The following MEI4 variants were observed in gnomAD, a reference collection of about 807,000 sequenced individuals.
The protein encoded by MEI4 is meiosis-specific protein MEI4.
A neutral mutation model predicts 31.4 loss-of-function variants in MEI4; 27 were observed. The ratio of observed to expected loss-of-function variants is 0.86; its 90% CI spans 0.63 to 1.19. MEI4 has a LOEUF of 1.19. MEI4 is among the 50% of genes most tolerant of loss of function. MEI4 has a pLI of 0.00. For synonymous variants in MEI4, 122 were observed against 145.4 expected (o/e 0.84, Z 1.16); for missense variants, 329 against 398.9 (o/e 0.82, Z 1.49).
chr6:77,692,792 A>C (rs186972445), intron 2 of MEI4, among the ~76,000 whole-genome samples: 1 of 152,040 alleles, frequency 6.6e-6, no homozygotes, highest in Non-Finnish European at 1.5e-5. Flanking sequence ...GTTGAGCCCA[A>C]GTTTCTCTGA....
intron 2 of MEI4, among the ~76,000 whole-genome samples, chr6:77,695,389 G>T (rs1011754679): frequency 6.6e-6 from 1 of 152,094 alleles, no homozygotes; most frequent in Non-Finnish European, 1.5e-5. Context: ...GGGTTTTTAT[G>T]GTATTAGGTC....
intron 2 of MEI4, among the ~76,000 whole-genome samples, chr6:77,736,887 T>G (rs1399494597): frequency 6.6e-6 from 1 of 151,326 alleles, no homozygotes; most frequent in Non-Finnish European, 1.5e-5. Flanking sequence ...GGAAGTTGCT[T>G]GCCTTTAAGG....
At chr6:77,654,286 T>C (rs1185067752) in intron 1 of MEI4, among the ~76,000 whole-genome samples, 2 of 152,304 alleles carry the variant, frequency 1.3e-5, no homozygotes, top group East Asian at 1.9e-4. Flanking sequence ...TTGACTGTTA[T>C]ATCCCTGTGT....
intron 3 of MEI4, among the ~76,000 whole-genome samples, chr6:77,801,113 A>T (rs1472607377): frequency 1.3e-5 from 2 of 152,108 alleles, no homozygotes; most frequent in Non-Finnish European, 2.9e-5. Flanking sequence ...CTGTGAATCC[A>T]TGTGGTCCTG....
chr6:77,759,793 C>T (rs188658757), intron 2 of MEI4, among the ~76,000 whole-genome samples: 1 of 152,142 alleles, frequency 6.6e-6, no homozygotes, highest in East Asian at 1.9e-4. Context: ...TTCAGTTGAT[C>T]GCTCAATGTT....
At chr6:77,710,008 G>C (rs2127659506) in intron 2 of MEI4, among the ~76,000 whole-genome samples, 1 of 152,254 alleles carries the variant, frequency 6.6e-6, no homozygotes, top group Middle Eastern at 3.4e-3. Flanking sequence ...TGTCTGCTAG[G>C]GTGAGAGATA....
intron 3 of MEI4, among the ~76,000 whole-genome samples, chr6:77,789,476 G>A (rs897968116): frequency 6.6e-5 from 10 of 152,048 alleles, no homozygotes; most frequent in East Asian, 1.9e-4. Flanking sequence ...GCAACCTACA[G>A]AATGGGAGAA....
At chr6:77,881,157 C>A (rs1386043921) in intron 4 of MEI4, among the ~76,000 whole-genome samples, 1 of 151,338 alleles carries the variant, frequency 6.6e-6, no homozygotes, top group East Asian at 1.9e-4. Context: ...TTCTGCAGGG[C>A]ACTGATTCTC....
intron 4 of MEI4, among the ~76,000 whole-genome samples, chr6:77,834,697 T>C (rs1226353642): frequency 6.6e-6 from 1 of 152,108 alleles, no homozygotes; most frequent in East Asian, 1.9e-4. Flanking sequence ...TCACATTTAT[T>C]CAGTAAGACT....
At chr6:77,706,512 T>A (rs948033392) in intron 2 of MEI4, among the ~76,000 whole-genome samples, 1 of 152,236 alleles carries the variant, frequency 6.6e-6, no homozygotes, top group African/African-American at 2.4e-5. Context: ...GGCTCCCATA[T>A]CAAGTAAAAT....
At chr6:77,678,053 T>A (rs749963679) in intron 1 of MEI4, among the ~76,000 whole-genome samples, 3 of 152,194 alleles carry the variant, frequency 2.0e-5, no homozygotes, top group Non-Finnish European at 4.4e-5. Flanking sequence ...TTTAATTGAT[T>A]ACCGTGGAGC....
chr6:77,833,713 C>G (rs1425178886), intron 4 of MEI4, among the ~76,000 whole-genome samples: 1 of 152,064 alleles, frequency 6.6e-6, no homozygotes, highest in Non-Finnish European at 1.5e-5. Context: ...TGGTTTGCTG[C>G]ACCCATCAAC....
intron 2 of MEI4, among the ~76,000 whole-genome samples, chr6:77,699,285 G>A (rs573577900): frequency 6.6e-6 from 1 of 150,494 alleles, no homozygotes; most frequent in Admixed American, 6.6e-5. Context: ...GGCCTCCCGG[G>A]TTCACGCCAT....
At chr6:77,788,189 A>G (rs1475176886) in intron 3 of MEI4, among the ~76,000 whole-genome samples, 1 of 152,252 alleles carries the variant, frequency 6.6e-6, no homozygotes, top group African/African-American at 2.4e-5. Flanking sequence ...AAGGCCTTTG[A>G]CAAAATTCAA....
At chr6:77,789,596 A>G (rs1045992238) in intron 3 of MEI4, among the ~76,000 whole-genome samples, 1 of 152,272 alleles carries the variant, frequency 6.6e-6, no homozygotes, top group African/African-American at 2.4e-5. Flanking sequence ...TGGGTGAAGG[A>G]CATGAACAGA....
At chr6:77,688,287 TTTG>T (rs1396547903) in intron 1 of MEI4, among the ~76,000 whole-genome samples, 4 of 152,084 alleles carry the variant, frequency 2.6e-5, no homozygotes, top group Non-Finnish European at 1.5e-5. Flanking sequence ...AAAACCTGGT[TTTG>T]TTTGGTTGTA....
chr6:77,796,504 T>C (rs909756836), intron 3 of MEI4, among the ~76,000 whole-genome samples: 10 of 152,146 alleles, frequency 6.6e-5, no homozygotes, highest in Admixed American at 3.9e-4. Flanking sequence ...AATATATGAA[T>C]TCAGTAAAGT....
At chr6:77,883,737 T>TACATATAC (rs1562025156) in intron 4 of MEI4, among the ~76,000 whole-genome samples, 11 of 132,940 alleles carry the variant, frequency 8.3e-5, no homozygotes, top group African/African-American at 3.2e-4. Context: ...TATATATATA[T>TACATATAC]ATATATAACT....
intron 4 of MEI4, among the ~76,000 whole-genome samples, chr6:77,833,685 G>A (rs1247274859): frequency 6.6e-6 from 1 of 151,866 alleles, no homozygotes; most frequent in Non-Finnish European, 1.5e-5. Flanking sequence ...TTGTTACATA[G>A]GTATACATGC....
Sources: gnomAD v4.1 joint callset for allele counts (sites outside exome capture counted in the v4.1 genomes callset) on GRCh38, gnomAD v4.1.1 for gene constraint, MANE v1.5 for transcripts, NCBI Gene and HGNC (gene_info 2026-07-23, HGNC 2026-07-21) for gene names.